GCNT4: variants seen among roughly 807,000 people sequenced by gnomAD.
The protein encoded by GCNT4 is beta-1,3-galactosyl-O-glycosyl-glycoprotein beta-1,6-N-acetylglucosaminyltransferase 4.
GCNT4 carries 17 observed loss-of-function variants against 31.3 expected under a neutral mutation model. The observed-to-expected ratio is 0.54, with a 90% CI of 0.37 to 0.81. The LOEUF (loss-of-function observed/expected upper bound fraction) is 0.81, where lower values mean the gene tolerates loss of function less well. Among genes scored for constraint, GCNT4 ranks in the 40% least tolerant of loss-of-function variants. The pLI is 0.00. For synonymous variants in GCNT4, 158 were observed against 190.6 expected, an observed-to-expected ratio of 0.83 and a Z score of 1.41; for missense variants, 503 against 525.5, an observed-to-expected ratio of 0.96 and a Z score of 0.42.
At chr5:75,038,715 C>T (rs944779736) in intron 3 of GCNT4, among the ~76,000 whole-genome samples, 2 of 152,228 alleles carry the variant, frequency 1.3e-5, no homozygotes, top group Non-Finnish European at 2.9e-5. Context: ...AGTCCTATGC[C>T]TTAGGGCTCT....
chr5:75,049,030 G>GT (rs370290233), intron 2 of GCNT4, among the ~76,000 whole-genome samples: 27 of 152,284 alleles, frequency 1.8e-4, no homozygotes, highest in African/African-American at 6.3e-4. Flanking sequence ...GTTTGTTTTT[G>GT]TAATACTCTG....
downstream of GCNT4, among the ~76,000 whole-genome samples, chr5:75,024,571 G>A (rs189843163): frequency 2.3e-3 from 344 of 152,240 alleles, 2 homozygotes; most frequent in Non-Finnish European, 3.9e-3. Flanking sequence ...AGAGCTGGGA[G>A]AACAGAGCAG....
intron 2 of GCNT4, among the ~76,000 whole-genome samples, chr5:75,050,276 A>T (rs908983233): frequency 6.6e-6 from 1 of 152,234 alleles, no homozygotes; most frequent in African/African-American, 2.4e-5. Flanking sequence ...TTTCTGTAAG[A>T]TGTTGACAGT....
chr5:75,033,838 CT>C (rs1743137390), intron 3 of GCNT4, among the ~76,000 whole-genome samples: 2 of 151,932 alleles, frequency 1.3e-5, no homozygotes, highest in Admixed American at 6.6e-5. Flanking sequence ...CCTCCCCTTG[CT>C]CCTCACCCCC....
downstream of GCNT4, among the ~76,000 whole-genome samples, chr5:75,023,435 A>C (rs1192579534): frequency 6.6e-6 from 1 of 152,182 alleles, no homozygotes; most frequent in Non-Finnish European, 1.5e-5. Flanking sequence ...CAGGATTATA[A>C]TTTCTCTCAT....
At chr5:75,048,545 G>C (rs1743496704) in intron 2 of GCNT4, among the ~76,000 whole-genome samples, 1 of 152,158 alleles carries the variant, frequency 6.6e-6, no homozygotes, top group Non-Finnish European at 1.5e-5. Flanking sequence ...GCAAAATGCA[G>C]CAAAACAAAA....
At chr5:75,044,114 C>A (rs935319401) in intron 3 of GCNT4, among the ~76,000 whole-genome samples, 15 of 152,270 alleles carry the variant, frequency 9.9e-5, no homozygotes, top group African/African-American at 3.6e-4. Flanking sequence ...GTACAGGTCA[C>A]ATAATCCCTG....
chr5:75,048,284 T>C (rs983014286), intron 2 of GCNT4, among the ~76,000 whole-genome samples: 19 of 152,028 alleles, frequency 1.2e-4, no homozygotes, highest in Non-Finnish European at 5.9e-5. Context: ...TCAGCTTATA[T>C]GGAAAATAAC....
At chr5:75,032,634 C>A (rs1290405196) in intron 3 of GCNT4, among the ~76,000 whole-genome samples, 1 of 152,218 alleles carries the variant, frequency 6.6e-6, no homozygotes, top group Non-Finnish European at 1.5e-5. Context: ...CCTGGTCAGG[C>A]TCATAGCCCA....
rs1177537661 is a variant in GCNT4, at chr5:75,026,737, C to T, written c.*1939G>A. The stretch of plus-strand genomic sequence containing the variant: ...TTCAAAGATCTGGAAAACTGAGGTT[C>T]ATAGAGACCAAAGTGACTTACCTGT... On this transcript the variant is annotated 3_prime_UTR_variant, in exon 4 of 4. Coordinates refer to ENST00000652361, the MANE Select transcript of GCNT4 (RefSeq NM_001366737.1). 2 of 148,092 alleles carry T rather than the reference C, an allele frequency of 1.4e-5. No individual in the cohort carries two copies. Among genetic ancestry groups the T allele is most frequent in the Non-Finnish European group, 3.0e-5 (2 of 67,498 alleles). The allele number at this position is 148,092 out of a possible 1,614,324, so 9.2% of individuals were successfully genotyped here.
At chr5:75,053,016 C>G (rs1463672134), upstream of GCNT4, among the ~76,000 whole-genome samples, 6 of 151,956 alleles carry the variant, frequency 3.9e-5, no homozygotes, top group South Asian at 2.1e-4. Context: ...CCGGCGCGCT[C>G]GCGACTCCAG....
chr5:75,046,363 T>C (rs1743437957), intron 3 of GCNT4, among the ~76,000 whole-genome samples: 1 of 152,124 alleles, frequency 6.6e-6, no homozygotes, highest in African/African-American at 2.4e-5. Context: ...GCAAATATGC[T>C]GCAGTGACAC....
chr5:75,045,932 G>GT (rs376030744), intron 3 of GCNT4, among the ~76,000 whole-genome samples: 3,440 of 145,176 alleles, frequency 0.024, 122 homozygotes, highest in African/African-American at 0.083. Flanking sequence ...ATTTGGAAAT[G>GT]TTTTTTTTTT....
rs1742969899 is a variant in GCNT4 at position 75,027,355 on chromosome 5, A to T, written c.*1321T>A. The T allele has an allele frequency of 5.0e-3, 2 of 400 alleles. No homozygotes were observed. The highest frequency in any genetic ancestry group is 0.014 in the African/African-American group (2 of 144). 0.0% of individuals were successfully genotyped at this position (400 alleles called of 1,614,324 possible). ...CATATACAATATATGTATATATAAT[A>T]TATATATTTATATATTATATATGTA... On this transcript the variant is annotated 3_prime_UTR_variant, in exon 4 of 4. Coordinates refer to ENST00000652361, the MANE Select transcript of GCNT4 (RefSeq NM_001366737.1).
intron 3 of GCNT4, among the ~76,000 whole-genome samples, chr5:75,036,639 T>C (rs1451169773): frequency 6.6e-6 from 1 of 152,172 alleles, no homozygotes; most frequent in African/African-American, 2.4e-5. Context: ...CCACCCTGTT[T>C]AAGAGATGAT....
chr5:75,048,450 G>A (rs888358934), intron 2 of GCNT4, among the ~76,000 whole-genome samples: 1 of 152,166 alleles, frequency 6.6e-6, no homozygotes, highest in African/African-American at 2.4e-5. Context: ...GGTTTGACAA[G>A]AGCATCTCTA....
chr5:75,018,974 G>A, the GCNT4 span, among the ~76,000 whole-genome samples: 3 of 152,116 alleles, frequency 2.0e-5, no homozygotes, highest in African/African-American at 7.2e-5. Context: ...GAGTCACAGG[G>A]ATGCAATTCC....
the GCNT4 span, among the ~76,000 whole-genome samples, chr5:75,017,085 A>G: frequency 1.3e-5 from 2 of 152,214 alleles, no homozygotes; most frequent in Non-Finnish European, 2.9e-5. Context: ...AGAGGGAGCC[A>G]GTCTTACTCA....
At chr5:75,023,791 A>T (rs1742909115), downstream of GCNT4, 1 of 152,258 alleles carries the variant, frequency 6.6e-6, no homozygotes, top group Non-Finnish European at 1.5e-5. Context: ...AACAACAAAG[A>T]ACAAAACAAG....
Sources: allele counts gnomAD v4.1 joint callset (sites outside exome capture counted in the v4.1 genomes callset), GRCh38; gene constraint gnomAD v4.1.1; transcripts MANE v1.5; gene names NCBI Gene and HGNC (gene_info 2026-07-23, HGNC 2026-07-21).